KDM3B: variants seen among roughly 807,000 people sequenced by gnomAD.
KDM3B encodes the protein lysine-specific demethylase 3B.
KDM3B carries 10 observed loss-of-function variants against 170.0 expected under a neutral mutation model. The ratio of observed to expected loss-of-function variants is 0.06; its 90% CI spans 0.04 to 0.10. The LOEUF (loss-of-function observed/expected upper bound fraction) is 0.10. KDM3B is among the 10% of genes least tolerant of loss of function. KDM3B has a pLI of 1.00. For synonymous variants in KDM3B, 831 were observed against 834.8 expected (o/e 1.00, Z 0.08); for missense variants, 1,394 against 2,195.2 (o/e 0.64, Z 7.29).
intron 1 of KDM3B, among the ~76,000 whole-genome samples, chr5:138,361,455 TAC>T (rs2126908969): frequency 6.6e-6 from 1 of 152,236 alleles, no homozygotes; most frequent in African/African-American, 2.4e-5. Context: ...GTTATTAATT[TAC>T]AGTGGGAGGT....
At chr5:138,429,491 T>C (rs554443920) in intron 20 of KDM3B, among the ~76,000 whole-genome samples, 1 of 152,322 alleles carries the variant, frequency 6.6e-6, no homozygotes, top group Admixed American at 6.5e-5. Context: ...ATCCTAGTGT[T>C]TGAAGGGGTC....
chr5:138,428,242 T>C (rs771637200), intron 20 of KDM3B, among the ~76,000 whole-genome samples, 156 bp downstream of exon 20: 7 of 151,416 alleles, frequency 4.6e-5, no homozygotes, highest in Non-Finnish European at 1.0e-4. Context: ...AGAGTCTCGC[T>C]CTGTCCCCCA....
At chr5:138,427,423 C>A in intron 19 of KDM3B, 104 bp downstream of exon 19, 1 of 1,316,002 alleles carries the variant, frequency 7.6e-7, no homozygotes, top group Non-Finnish European at 1.0e-6. Flanking sequence ...TGATTGCAGG[C>A]AAGTGCTGGA....
chr5:138,383,152 T>C (rs1762168434), intron 6 of KDM3B, among the ~76,000 whole-genome samples: 1 of 152,018 alleles, frequency 6.6e-6, no homozygotes, highest in African/African-American at 2.4e-5. Context: ...TTTCTTTTTT[T>C]TTTTGAGATG....
rs372073588 is a variant in KDM3B, at chr5:138,430,013, C to G, written c.4893+48C>G. The G allele has an allele frequency of 2.5e-6, 4 of 1,603,396 alleles. No homozygotes were observed. The South Asian group carries it at 3.3e-5, about 13-fold the overall frequency. ...CTCCCAGCTCACATATCAAGAGTCT[C>G]GTTGCTGAGACACCCTATCTAGGGT... On this transcript the variant is annotated intron_variant, in intron 21 of 23. Transcript: ENST00000314358.
chr5:138,415,995 A>G (rs1323472758), intron 12 of KDM3B, among the ~76,000 whole-genome samples: 1 of 150,564 alleles, frequency 6.6e-6, no homozygotes, highest in African/African-American at 2.4e-5. Flanking sequence ...GGAGGCCAAG[A>G]TTGGAGGATC....
At chr5:138,419,351 C>T in intron 14 of KDM3B, 119 bp downstream of exon 14, 3 of 1,245,962 alleles carry the variant, frequency 2.4e-6, no homozygotes, top group Non-Finnish European at 3.3e-6. Context: ...CTTTCTCTGG[C>T]TAATCACATG....
chr5:138,429,065 G>A (rs1292180224), intron 20 of KDM3B, among the ~76,000 whole-genome samples: 1 of 150,104 alleles, frequency 6.7e-6, no homozygotes, highest in Non-Finnish European at 1.5e-5. Flanking sequence ...TACAGGCAAG[G>A]CCACTGTGCC....
chr5:138,430,904 T>G (rs1187147151), intron 22 of KDM3B, among the ~76,000 whole-genome samples: 1 of 151,942 alleles, frequency 6.6e-6, no homozygotes, highest in Non-Finnish European at 1.5e-5. Flanking sequence ...AAAAAAAAAT[T>G]TAAACAATGC....
At chr5:138,397,266 A>T (rs1762571766) in intron 9 of KDM3B, among the ~76,000 whole-genome samples, 1 of 151,946 alleles carries the variant, frequency 6.6e-6, no homozygotes, top group African/African-American at 2.4e-5. Context: ...ACCCCGGAGG[A>T]GGCGTTTGCA....
intron 1 of KDM3B, among the ~76,000 whole-genome samples, chr5:138,366,631 C>T (rs1386678648): frequency 2.6e-5 from 4 of 152,204 alleles, no homozygotes; most frequent in Admixed American, 2.6e-4. Context: ...CATGCCTGGC[C>T]CCCATTATCT....
chr5:138,365,038 C>T (rs746924919), intron 1 of KDM3B, among the ~76,000 whole-genome samples: 2 of 152,170 alleles, frequency 1.3e-5, no homozygotes, highest in Non-Finnish European at 2.9e-5. Flanking sequence ...ATATTCAACT[C>T]ATGCATCTTC....
chr5:138,382,989 G>A (rs1762163501), intron 6 of KDM3B, among the ~76,000 whole-genome samples: 2 of 152,074 alleles, frequency 1.3e-5, no homozygotes, highest in Non-Finnish European at 2.9e-5. Context: ...GGGAGTACTG[G>A]TCTCAATGTT....
intron 1 of KDM3B, among the ~76,000 whole-genome samples, chr5:138,369,485 A>T (rs1463445494): frequency 6.6e-6 from 1 of 152,102 alleles, no homozygotes; most frequent in Non-Finnish European, 1.5e-5. Flanking sequence ...TACACACACA[A>T]AAAACCTTTT....
intron 19 of KDM3B, 139 bp downstream of exon 19, chr5:138,427,458 C>A: frequency 1.0e-6 from 1 of 952,784 alleles, no homozygotes. Flanking sequence ...CCAAGGTGGT[C>A]TTGAATATGT....
At chr5:138,392,572 A>C (rs1170896315) in intron 8 of KDM3B, among the ~76,000 whole-genome samples, 1 of 152,008 alleles carries the variant, frequency 6.6e-6, no homozygotes, top group East Asian at 1.9e-4. Context: ...ATCCCTTTTT[A>C]CTTCACTTTG....
chr5:138,425,566 T>C lies in KDM3B; in HGVS notation c.4395T>C (p.Gly1465=), dbSNP rs1483009448. The C allele has an allele frequency of 6.2e-7, 1 of 1,613,998 alleles. No individual in the cohort carries two copies. Among genetic ancestry groups the C allele is most frequent in the South Asian group, 1.1e-5 (1 of 91,060 alleles). Residue 1465 remains glycine, a synonymous_variant, in exon 17 of 24, where the codon GGT becomes GGC. Transcript: ENST00000314358. ...SDVKVRDFWD[G]FEIICKRLRS... is the part of the protein sequence containing the mutation. ...TGAAAGTTCGGGATTTCTGGGATGGTTTCGAGATCATATGCAGTAAGTAGC... is the reference window on the plus strand; with the variant it reads ...TGAAAGTTCGGGATTTCTGGGATGGCTTCGAGATCATATGCAGTAAGTAGC...
In KDM3B at chr5:138,386,006, G is replaced by C; in HGVS notation, c.781-16G>C. 6.4e-7 allele frequency: 1 copy of C among 1,568,458 alleles called. No homozygotes were observed. The highest frequency in any genetic ancestry group is 2.0e-5 in the Admixed American group (1 of 50,918). The stretch of plus-strand genomic sequence containing the variant: ...TGAAAGTTTCCTTGTAATCTTTTTT[G>C]AATTTTGTTTTGTAGGGGGGTACGT... On this transcript the variant is annotated splice_polypyrimidine_tract_variant and intron_variant, in intron 6 of 23. Transcript: ENST00000314358.
chr5:138,352,858 G>T lies in KDM3B; in HGVS notation c.63G>T (p.Ala21=), dbSNP rs1761361181. ...KRLLLLFADT[A]ASASASAPAA... ...TGCTGCTGCTGTTCGCGGACACTGCGGCCTCAGCCTCGGCCTCGGCTCCCG... is the reference window on the plus strand; with the variant it reads ...TGCTGCTGCTGTTCGCGGACACTGCTGCCTCAGCCTCGGCCTCGGCTCCCG... Residue 21 remains alanine, a synonymous_variant, in exon 1 of 24, where the codon GCG becomes GCT. Coordinates refer to ENST00000314358, the MANE Select transcript of KDM3B (RefSeq NM_016604.4). 2 of 1,376,414 alleles carry T rather than the reference G, an allele frequency of 1.5e-6. No individual in the cohort carries two copies. Among genetic ancestry groups the T allele is most frequent in the South Asian group, 3.1e-5 (2 of 64,986 alleles). The allele number at this position is 1,376,414 out of a possible 1,614,324, so 85.3% of individuals were successfully genotyped here. A position where few individuals can be genotyped will look rare whatever the true frequency, so the allele number is the denominator to read the frequency against.
Sources: gnomAD v4.1 joint callset for allele counts (sites outside exome capture counted in the v4.1 genomes callset) on GRCh38, gnomAD v4.1.1 for gene constraint, MANE v1.5 for transcripts, NCBI Gene and HGNC (gene_info 2026-07-23, HGNC 2026-07-21) for gene names.